ZFHX3: variants seen among roughly 807,000 people sequenced by gnomAD.
The protein encoded by ZFHX3 is zinc finger homeobox 3.
A neutral mutation model predicts 279.1 loss-of-function variants in ZFHX3; 42 were observed. The observed-to-expected ratio is 0.15, with a 90% CI of 0.12 to 0.19. The LOEUF is 0.19. Among genes scored for constraint, ZFHX3 ranks in the 10% least tolerant of loss-of-function variants. The pLI is 1.00. For synonymous variants in ZFHX3, 2,293 were observed against 1,957.8 expected, an observed-to-expected ratio of 1.17 and a Z score of -4.52; for missense variants, 4,981 against 4,754.0, an observed-to-expected ratio of 1.05 and a Z score of -1.40.
chr16:73,490,512 C>T (rs1217518339), intron 2 of ZFHX3, among the ~76,000 whole-genome samples: 3 of 152,260 alleles, frequency 2.0e-5, no homozygotes, highest in East Asian at 1.9e-4. Flanking sequence ...CTTTCACTGA[C>T]GCAACCCCAT....
At chr16:73,100,327 C>T (rs1460808110) in intron 7 of ZFHX3, among the ~76,000 whole-genome samples, 1 of 152,178 alleles carries the variant, frequency 6.6e-6, no homozygotes, top group African/African-American at 2.4e-5. Context: ...ACACCTTGAT[C>T]AGACGAACAA....
At chr16:73,789,136 T>C (rs1164827823) in intron 1 of ZFHX3, among the ~76,000 whole-genome samples, 1 of 151,696 alleles carries the variant, frequency 6.6e-6, no homozygotes, top group African/African-American at 2.4e-5. Flanking sequence ...ATATGATAGA[T>C]ATCTATCATA....
chr16:73,478,453 G>A (rs1401074620), intron 2 of ZFHX3, among the ~76,000 whole-genome samples: 1 of 151,920 alleles, frequency 6.6e-6, no homozygotes, highest in Non-Finnish European at 1.5e-5. Flanking sequence ...AAATAATAAA[G>A]GTATAATCTG....
chr16:73,743,235 T>C (rs2053674875), intron 1 of ZFHX3, among the ~76,000 whole-genome samples: 1 of 152,232 alleles, frequency 6.6e-6, no homozygotes, highest in African/African-American at 2.4e-5. Flanking sequence ...CGACCAACTG[T>C]GTACCAGCCA....
intron 3 of ZFHX3, among the ~76,000 whole-genome samples, chr16:72,935,520 C>T (rs975532026): frequency 1.3e-5 from 2 of 152,102 alleles, no homozygotes; most frequent in Non-Finnish European, 2.9e-5. Flanking sequence ...GCAGGCGGAT[C>T]GCCCGAGGTC....
At chr16:72,982,020 T>C (rs1962624743) in intron 1 of ZFHX3, among the ~76,000 whole-genome samples, 1 of 151,864 alleles carries the variant, frequency 6.6e-6, no homozygotes, top group African/African-American at 2.4e-5. Flanking sequence ...GTAGCTGGGA[T>C]TACACGCACC....
chr16:72,883,076 C>T (rs1387178857), intron 4 of ZFHX3, among the ~76,000 whole-genome samples: 1 of 143,270 alleles, frequency 7.0e-6, no homozygotes, highest in Non-Finnish European at 1.5e-5. Flanking sequence ...GGAGGACACA[C>T]TAGCATATAC....
chr16:73,065,635 A>C (rs1965741592), intron 8 of ZFHX3, among the ~76,000 whole-genome samples: 2 of 150,286 alleles, frequency 1.3e-5, no homozygotes. Flanking sequence ...AAAGCCAGTA[A>C]TGGGATTTAA....
At chr16:73,290,831 T>C (rs532685971) in intron 4 of ZFHX3, among the ~76,000 whole-genome samples, 1 of 152,108 alleles carries the variant, frequency 6.6e-6, no homozygotes, top group African/African-American at 2.4e-5. Context: ...GTGTTGGGAG[T>C]AGAATTAAGG....
intron 4 of ZFHX3, chr16:73,257,217 A>C (rs574768896): frequency 1.3e-5 from 2 of 152,224 alleles, no homozygotes; most frequent in African/African-American, 4.8e-5. Flanking sequence ...ACAACAGTAC[A>C]TGCTTTCCAC....
At chr16:72,828,675 A>G (rs963880638) in intron 5 of ZFHX3, among the ~76,000 whole-genome samples, 2 of 152,228 alleles carry the variant, frequency 1.3e-5, no homozygotes, top group African/African-American at 4.8e-5. Context: ...ATGCAGGACA[A>G]AGACCACCCT....
At chr16:73,161,774 T>C (rs1301504822) in intron 5 of ZFHX3, among the ~76,000 whole-genome samples, 1 of 152,178 alleles carries the variant, frequency 6.6e-6, no homozygotes, top group Non-Finnish European at 1.5e-5. Flanking sequence ...AGAATCCTTC[T>C]TTTCTGCAGT....
chr16:73,110,820 T>A (rs1966363557), intron 7 of ZFHX3, among the ~76,000 whole-genome samples: 2 of 152,228 alleles, frequency 1.3e-5, no homozygotes, highest in African/African-American at 4.8e-5. Flanking sequence ...TGCCTTGGCT[T>A]TCCAAATTGC....
rs753295000 is a variant in ZFHX3 at position 72,797,458 on chromosome 16, C to G, written c.5224G>C (p.Ala1742Pro). 1.2e-6 allele frequency: 2 copies of G among 1,605,948 alleles called. No individual in the cohort carries two copies. Among genetic ancestry groups the G allele is most frequent in the Non-Finnish European group, 1.7e-6 (2 of 1,174,096 alleles). Reference sequence around the variant, plus strand: ...GCCTGGGCCTGGGCCAGCGTTTGTGCTTGTTGTTGTTGTTGTTGTTGTTGT... The same window carrying G: ...GCCTGGGCCTGGGCCAGCGTTTGTGGTTGTTGTTGTTGTTGTTGTTGTTGT... ...QQQQQQQQQQ[A>P]QTLAQAQAQV... The change falls in exon 9 of 10, where the codon GCA becomes CCA. Residue 1742 changes from alanine (A) to proline (P), a missense_variant. Coordinates refer to ENST00000268489, the MANE Select transcript of ZFHX3 (RefSeq NM_006885.4).
intron 8 of ZFHX3, chr16:73,092,458 C>G (rs1201122581): frequency 6.5e-6 from 1 of 154,254 alleles, no homozygotes; most frequent in Non-Finnish European, 1.4e-5. Context: ...AGGAAGTGAC[C>G]TCGTGAGACA....
chr16:73,125,526 C>A (rs1429218022), intron 7 of ZFHX3, among the ~76,000 whole-genome samples: 1 of 151,910 alleles, frequency 6.6e-6, no homozygotes, highest in Non-Finnish European at 1.5e-5. Flanking sequence ...GCAGACCCAC[C>A]CTTAACCTGG....
chr16:73,290,459 T>C (rs1899261535), intron 4 of ZFHX3, among the ~76,000 whole-genome samples: 1 of 152,162 alleles, frequency 6.6e-6, no homozygotes. Flanking sequence ...CAGGGGCCTG[T>C]TTAATGCAAC....
chr16:72,959,934 G>A lies in ZFHX3; in HGVS notation c.212C>T (p.Pro71Leu), dbSNP rs374747520. The A allele has an allele frequency of 1.9e-6, 3 of 1,600,162 alleles. No individual in the cohort carries two copies. Among genetic ancestry groups the A allele is most frequent in the East Asian group, 2.2e-5 (1 of 44,652 alleles). Residue 71 changes from proline (P) to leucine (L), a missense_variant, in exon 2 of 10, where the codon CCC becomes CTC. Pro to Leu is a moderately conservative substitution (Grantham distance 98). This residue lies in a region of ZFHX3 where 1,068 missense variants were observed against 935.2 expected (regional missense o/e 1.14). Transcript: ENST00000268489. ...LAESTASAGP[P>L]SEPASKEVTC... ...GACCTCCTTGCTGGCGGGCTCGGAG[G>A]GGGGCCCGGCCGACGCGGTGCTCTC...
intron 1 of ZFHX3, among the ~76,000 whole-genome samples, chr16:73,710,840 C>T (rs2053355094): frequency 6.6e-6 from 1 of 152,174 alleles, no homozygotes; most frequent in South Asian, 2.1e-4. Flanking sequence ...CACTTTATTA[C>T]TGGTCAATTT....
Sources: gnomAD v4.1 joint callset for allele counts (sites outside exome capture counted in the v4.1 genomes callset) on GRCh38, gnomAD v4.1.1 for gene constraint, gnomAD v4.1.1 regional missense constraint, MANE v1.5 for transcripts, NCBI Gene and HGNC (gene_info 2026-07-23, HGNC 2026-07-21) for gene names.